The following PARD3B variants were observed in gnomAD, a reference collection of about 807,000 sequenced individuals.
PARD3B encodes par-3 family cell polarity regulator beta, also known as partitioning defective 3 homolog B.
Under a neutral mutation model 130.2 loss-of-function variants are expected in PARD3B, and 103 were observed. That is an observed-to-expected ratio of 0.79 (90% confidence interval 0.67 to 0.93). The LOEUF (loss-of-function observed/expected upper bound fraction) is 0.93, where lower values mean the gene tolerates loss of function less well. Among genes scored for constraint, PARD3B ranks in the 40% least tolerant of loss-of-function variants. The pLI is 0.00. For missense variants in PARD3B, 1,609 were observed against 1,499.2 expected (o/e 1.07, Z -1.21); for synonymous variants, 583 against 553.2 (o/e 1.05, Z -0.76).
chr2:205,455,972 A>C (rs2048260712), intron 20 of PARD3B, among the ~76,000 whole-genome samples: 1 of 152,102 alleles, frequency 6.6e-6, no homozygotes, highest in Non-Finnish European at 1.5e-5. Flanking sequence ...AACTCTTGGC[A>C]ATCCCTCATC....
At chr2:204,955,855 A>G (rs908732084) in intron 2 of PARD3B, among the ~76,000 whole-genome samples, 19 of 152,324 alleles carry the variant, frequency 1.2e-4, no homozygotes, top group Middle Eastern at 3.4e-3. Flanking sequence ...CCCTCGTGCT[A>G]TGTGACAAGT....
intron 18 of PARD3B, among the ~76,000 whole-genome samples, chr2:205,323,125 G>A (rs2042812549): frequency 6.6e-6 from 1 of 151,288 alleles, no homozygotes; most frequent in Admixed American, 6.6e-5. Flanking sequence ...TGGCCAGGAT[G>A]GTCTCAATCT....
At chr2:205,541,865 C>T (rs1009408738) in intron 21 of PARD3B, among the ~76,000 whole-genome samples, 2 of 151,946 alleles carry the variant, frequency 1.3e-5, no homozygotes, top group African/African-American at 2.4e-5. Context: ...TTTGGCTGGC[C>T]AGACACGGTG....
chr2:205,412,750 T>A (rs1051743858), intron 19 of PARD3B, among the ~76,000 whole-genome samples: 2 of 152,214 alleles, frequency 1.3e-5, no homozygotes, highest in African/African-American at 4.8e-5. Flanking sequence ...ATTTCTGCTG[T>A]CTGGAATGCT....
intron 1 of PARD3B, among the ~76,000 whole-genome samples, chr2:204,598,118 C>T (rs2033370741): frequency 6.6e-6 from 1 of 152,140 alleles, no homozygotes; most frequent in Non-Finnish European, 1.5e-5. Context: ...CTGCTTTTGT[C>T]TCATTTACTC....
At chr2:204,595,077 A>T (rs1426987187) in intron 1 of PARD3B, among the ~76,000 whole-genome samples, 1 of 152,142 alleles carries the variant, frequency 6.6e-6, no homozygotes, top group Non-Finnish European at 1.5e-5. Context: ...GGGTACTCAG[A>T]TGCTGTATTA....
intron 1 of PARD3B, among the ~76,000 whole-genome samples, chr2:204,563,274 T>A (rs2031462612): frequency 6.9e-6 from 1 of 144,230 alleles, no homozygotes; most frequent in African/African-American, 2.6e-5. Context: ...TCTTTCTCTC[T>A]TCTCCCTTTA....
At chr2:205,386,622 C>CAA (rs200284556) in intron 18 of PARD3B, among the ~76,000 whole-genome samples, 2 of 141,726 alleles carry the variant, frequency 1.4e-5, no homozygotes, top group African/African-American at 5.2e-5. Context: ...GAGAACTTAC[C>CAA]AAAAAAAAAT....
At chr2:204,958,694 C>T (rs1350963293) in intron 2 of PARD3B, among the ~76,000 whole-genome samples, 1 of 152,114 alleles carries the variant, frequency 6.6e-6, no homozygotes, top group African/African-American at 2.4e-5. Context: ...TGTGTGCCAG[C>T]CTCTATGCTC....
intron 3 of PARD3B, among the ~76,000 whole-genome samples, chr2:204,999,537 G>T (rs1055956571): frequency 1.3e-5 from 2 of 152,120 alleles, no homozygotes; most frequent in South Asian, 2.1e-4. Flanking sequence ...AGTTCCAAGC[G>T]CACCCAATCT....
At chr2:204,798,259 C>G (rs2042443575) in intron 2 of PARD3B, among the ~76,000 whole-genome samples, 1 of 152,092 alleles carries the variant, frequency 6.6e-6, no homozygotes, top group African/African-American at 2.4e-5. Context: ...AACGCGGTTC[C>G]TTTGGGACTT....
intron 2 of PARD3B, among the ~76,000 whole-genome samples, chr2:204,807,783 T>A (rs1490159319): frequency 6.6e-6 from 1 of 151,884 alleles, no homozygotes; most frequent in African/African-American, 2.4e-5. Flanking sequence ...AGCTAAAAAT[T>A]AAAACAATTT....
At chr2:204,944,170 A>C (rs997366040) in intron 2 of PARD3B, among the ~76,000 whole-genome samples, 1 of 152,350 alleles carries the variant, frequency 6.6e-6, no homozygotes, top group Admixed American at 6.5e-5. Context: ...AACCTTTAAT[A>C]CATTAGTCTT....
intron 20 of PARD3B, among the ~76,000 whole-genome samples, chr2:205,462,612 A>G (rs1409599994): frequency 2.0e-5 from 3 of 152,092 alleles, no homozygotes; most frequent in African/African-American, 7.2e-5. Context: ...AAACACTAAC[A>G]CTTTTCCTCA....
intron 3 of PARD3B, among the ~76,000 whole-genome samples, chr2:204,995,024 C>G (rs1694035419): frequency 1.3e-5 from 2 of 150,954 alleles, no homozygotes; most frequent in African/African-American, 4.9e-5. Context: ...TGGGTCTTGA[C>G]TCTTTATCCA....
chr2:205,492,303 T>C (rs1363667115), intron 20 of PARD3B, among the ~76,000 whole-genome samples: 1 of 152,202 alleles, frequency 6.6e-6, no homozygotes, highest in East Asian at 1.9e-4. Context: ...GTCTGTTTAA[T>C]ATTATTCACC....
At chr2:205,305,045 C>T (rs562083347) in intron 18 of PARD3B, among the ~76,000 whole-genome samples, 79 of 152,276 alleles carry the variant, frequency 5.2e-4, no homozygotes, top group African/African-American at 1.8e-3. Context: ...ATCCCATCTA[C>T]AGAATAGAAG....
intron 2 of PARD3B, among the ~76,000 whole-genome samples, chr2:204,831,002 T>TTTA (rs2043797647): frequency 6.6e-6 from 1 of 152,214 alleles, no homozygotes; most frequent in Non-Finnish European, 1.5e-5. Context: ...GATATCTCCT[T>TTTA]TTATTATCTA....
At chr2:205,198,505 G>A (rs909055518) in intron 15 of PARD3B, among the ~76,000 whole-genome samples, 3 of 152,112 alleles carry the variant, frequency 2.0e-5, no homozygotes, top group African/African-American at 7.2e-5. Context: ...TTAGTTACTT[G>A]CTCTAATTTT....
Sources: gnomAD v4.1 joint callset for allele counts (sites outside exome capture counted in the v4.1 genomes callset) on GRCh38, gnomAD v4.1.1 for gene constraint, MANE v1.5 for transcripts, NCBI Gene and HGNC (gene_info 2026-07-23, HGNC 2026-07-21) for gene names.